The following ANK3 variants were observed in gnomAD, a reference collection of about 807,000 sequenced individuals.
ANK3 encodes the protein ankyrin 3.
In ANK3, 57 loss-of-function variants were observed where a neutral mutation model predicts 370.9. That is an observed-to-expected ratio of 0.15 (90% CI 0.12 to 0.19). ANK3 has a LOEUF of 0.19. Ranked by LOEUF, ANK3 falls within the 10% of genes least tolerant of loss-of-function variation. ANK3 has a pLI of 1.00. For missense variants in ANK3, 4,439 were observed against 5,302.1 expected (o/e 0.84, Z 5.06); for synonymous variants, 1,929 against 1,946.3 (o/e 0.99, Z 0.23).
chr10:60,416,774 CA>C (rs2063677549), intron 2 of ANK3, among the ~76,000 whole-genome samples: 2 of 152,142 alleles, frequency 1.3e-5, no homozygotes, highest in Non-Finnish European at 2.9e-5. Context: ...CAGCATAGAA[CA>C]TTTTTATCAC....
chr10:60,536,504 A>T (rs1340957257), intron 2 of ANK3, among the ~76,000 whole-genome samples: 1 of 152,070 alleles, frequency 6.6e-6, no homozygotes, highest in Admixed American at 6.6e-5. Flanking sequence ...TTCATAAAAA[A>T]CTTAATAGAG....
At chr10:60,528,134 C>CTTTTTTTTTT (rs35837089) in intron 2 of ANK3, among the ~76,000 whole-genome samples, 6 of 124,264 alleles carry the variant, frequency 4.8e-5, no homozygotes, top group East Asian at 2.6e-4. Context: ...TTTTCTTCTT[C>CTTTTTTTTTT]TTCTTTTTTT....
chr10:60,333,411 G>A (rs1286418251), intron 1 of ANK3, among the ~76,000 whole-genome samples: 1 of 151,452 alleles, frequency 6.6e-6, no homozygotes, highest in African/African-American at 2.4e-5. Context: ...TTGTTTTTCT[G>A]TTCCTGTGTT....
At chr10:60,463,680 A>T (rs573652830) in intron 2 of ANK3, among the ~76,000 whole-genome samples, 13 of 60,106 alleles carry the variant, frequency 2.2e-4, no homozygotes, top group Admixed American at 1.1e-3. Context: ...AATCTTGCTT[A>T]AAAAAAAAAA....
intron 2 of ANK3, among the ~76,000 whole-genome samples, chr10:60,573,361 TACCA>T (rs200827585): frequency 1.3e-5 from 2 of 152,164 alleles, no homozygotes; most frequent in African/African-American, 4.8e-5. Flanking sequence ...TCCATGAATA[TACCA>T]ACCAACCAAC....
intron 1 of ANK3, among the ~76,000 whole-genome samples, chr10:60,284,228 C>G (rs535918883): frequency 2.0e-5 from 3 of 152,276 alleles, no homozygotes; most frequent in African/African-American, 7.2e-5. Context: ...AGGAAGAATT[C>G]TGCCCTAGAG....
At chr10:60,616,820 G>A (rs1440159372) in intron 1 of ANK3, among the ~76,000 whole-genome samples, 1 of 152,124 alleles carries the variant, frequency 6.6e-6, no homozygotes, top group Non-Finnish European at 1.5e-5. Context: ...TCACAGTGTA[G>A]GCAAGTGCCC....
At chr10:60,126,005 G>A (rs1198390991) in intron 25 of ANK3, among the ~76,000 whole-genome samples, 1 of 152,180 alleles carries the variant, frequency 6.6e-6, no homozygotes, top group African/African-American at 2.4e-5. Context: ...GAGTTATGGG[G>A]TGGAAGATGT....
At chr10:60,514,651 C>CTA (rs1035684195) in intron 2 of ANK3, among the ~76,000 whole-genome samples, 1 of 152,034 alleles carries the variant, frequency 6.6e-6, no homozygotes, top group African/African-American at 2.4e-5. Flanking sequence ...AATTGATGGC[C>CTA]TATATATATC....
intron 1 of ANK3, among the ~76,000 whole-genome samples, chr10:60,725,291 C>G (rs1480137962): frequency 1.3e-5 from 2 of 152,148 alleles, no homozygotes; most frequent in Non-Finnish European, 2.9e-5. Flanking sequence ...TTCCTCTCCC[C>G]CAAGCAATGC....
At chr10:60,315,714 AAT>A (rs775758590) in intron 1 of ANK3, among the ~76,000 whole-genome samples, 3 of 150,658 alleles carry the variant, frequency 2.0e-5, no homozygotes. Flanking sequence ...GAAAGTTCAA[AAT>A]ATATATATAT....
intron 1 of ANK3, 97 bp downstream of exon 1, chr10:60,389,328 C>T (rs910604085): frequency 1.8e-6 from 2 of 1,135,590 alleles, no homozygotes; most frequent in African/African-American, 3.1e-5. Flanking sequence ...CTCTACCCAG[C>T]ATGTAAAAAT....
At chr10:60,624,275 T>C (rs989742653) in intron 1 of ANK3, among the ~76,000 whole-genome samples, 2 of 151,968 alleles carry the variant, frequency 1.3e-5, no homozygotes, top group Non-Finnish European at 2.9e-5. Flanking sequence ...AATGGGGATG[T>C]AGGTGATATA....
intron 7 of ANK3, among the ~76,000 whole-genome samples, chr10:60,237,283 A>G (rs999582181): frequency 2.0e-5 from 3 of 152,196 alleles, no homozygotes; most frequent in Non-Finnish European, 4.4e-5. Flanking sequence ...TGAATTCTAG[A>G]GCTGAGACAG....
chr10:60,401,098 T>C (rs936671631), intron 2 of ANK3, among the ~76,000 whole-genome samples: 2 of 152,194 alleles, frequency 1.3e-5, no homozygotes, highest in Admixed American at 1.3e-4. Context: ...ACAAAAAATA[T>C]ACATTATGCT....
intron 25 of ANK3, 67 bp downstream of exon 25, chr10:60,134,204 G>C (rs1195655219): frequency 1.5e-6 from 2 of 1,300,554 alleles, no homozygotes; most frequent in Non-Finnish European, 2.2e-6. Flanking sequence ...TCACAAGACA[G>C]AGAGCTTGAT....
At chr10:60,569,020 A>G (rs532402353) in intron 2 of ANK3, among the ~76,000 whole-genome samples, 34 of 150,388 alleles carry the variant, frequency 2.3e-4, no homozygotes, top group African/African-American at 7.6e-4. Context: ...GAGAAAATAA[A>G]TTTGTGTTGT....
intron 8 of ANK3, among the ~76,000 whole-genome samples, chr10:60,215,735 T>C (rs565895599): frequency 1.3e-5 from 2 of 152,308 alleles, no homozygotes; most frequent in African/African-American, 4.8e-5. Flanking sequence ...TACCAGGCTG[T>C]TTTGGTTACT....
At position 60,366,751 on chromosome 10, in the gene ANK3, T is replaced by C. The variant is rs188669591; in HGVS notation, c.114+22674A>G. On this transcript the variant is annotated intron_variant, in intron 1 of 43. Transcript: ENST00000280772. ...TATAACTTCTGTGAAAATGACACTA[T>C]CCTTTTTCACAGAGTTACAAGGATC... Among the ~76,000 whole-genome samples, 3 of 152,210 alleles carry C rather than the reference T, an allele frequency of 2.0e-5. No homozygotes were observed. In the East Asian group the frequency reaches 5.8e-4, roughly 29 times the overall value.
Sources: gnomAD v4.1 joint callset for allele counts (sites outside exome capture counted in the v4.1 genomes callset) on GRCh38, gnomAD v4.1.1 for gene constraint, MANE v1.5 for transcripts, NCBI Gene and HGNC (gene_info 2026-07-23, HGNC 2026-07-21) for gene names.